Variants in SNTG1 observed in about 807,000 individuals in gnomAD.
SNTG1 encodes the protein syntrophin gamma 1.
Under a neutral mutation model 74.7 loss-of-function variants are expected in SNTG1, and 39 were observed. The observed-to-expected ratio is 0.52, with a 90% CI of 0.40 to 0.68. The LOEUF is 0.68. Among genes scored for constraint, SNTG1 ranks in the 30% least tolerant of loss-of-function variants. The pLI, the probability that SNTG1 is intolerant of heterozygous loss-of-function variation, is 0.00. For missense variants in SNTG1, 685 were observed against 609.5 expected, an observed-to-expected ratio of 1.12 and a Z score of -1.30; for synonymous variants, 254 against 217.1, an observed-to-expected ratio of 1.17 and a Z score of -1.49.
intron 4 of SNTG1, among the ~76,000 whole-genome samples, chr8:50,418,258 T>C (rs2093038235): frequency 6.6e-6 from 1 of 152,068 alleles, no homozygotes; most frequent in South Asian, 2.1e-4. Flanking sequence ...TTGCTCAATT[T>C]AATGGATATT....
At chr8:50,101,582 A>G (rs2080125876) in intron 1 of SNTG1, among the ~76,000 whole-genome samples, 1 of 151,764 alleles carries the variant, frequency 6.6e-6, no homozygotes, top group Non-Finnish European at 1.5e-5. Context: ...TTATACTTTA[A>G]GTTTTAGGGT....
At chr8:50,102,415 T>C (rs1393085319) in intron 1 of SNTG1, among the ~76,000 whole-genome samples, 2 of 150,438 alleles carry the variant, frequency 1.3e-5, no homozygotes, top group Non-Finnish European at 3.0e-5. Flanking sequence ...TGTTTGTTTT[T>C]TTCTTGTAAA....
At chr8:49,935,006 C>A (rs551482632) in intron 1 of SNTG1, among the ~76,000 whole-genome samples, 3 of 151,934 alleles carry the variant, frequency 2.0e-5, no homozygotes, top group Non-Finnish European at 4.4e-5. Context: ...AATGCCAATG[C>A]TGATTTAGCA....
At chr8:50,677,889 C>T (rs774730104) in intron 15 of SNTG1, among the ~76,000 whole-genome samples, 1 of 151,778 alleles carries the variant, frequency 6.6e-6, no homozygotes, top group Non-Finnish European at 1.5e-5. Context: ...TTTTAACTGT[C>T]ATGCATTATT....
At chr8:50,689,369 A>G (rs974888103) in intron 15 of SNTG1, among the ~76,000 whole-genome samples, 5 of 152,048 alleles carry the variant, frequency 3.3e-5, no homozygotes, top group African/African-American at 1.2e-4. Flanking sequence ...CCCATTCAGT[A>G]TATTGGCTGT....
At chr8:50,111,062 G>A (rs2080566362) in intron 1 of SNTG1, among the ~76,000 whole-genome samples, 1 of 152,124 alleles carries the variant, frequency 6.6e-6, no homozygotes, top group Non-Finnish European at 1.5e-5. Flanking sequence ...GATTTTCTGA[G>A]GAGGAATTCA....
rs2081075506 is a variant in SNTG1, at chr8:50,124,221, G to A, written c.-102-48340G>A. On this transcript the variant is annotated intron_variant, in intron 1 of 18. Coordinates refer to ENST00000642720, the MANE Select transcript of SNTG1 (RefSeq NM_018967.5). Reference sequence around the variant, plus strand: ...ACAGAGAAGACCATGTGAAGACACAGGGAGAAAATGGCCATTTGCAAGCCC... The same window carrying A: ...ACAGAGAAGACCATGTGAAGACACAAGGAGAAAATGGCCATTTGCAAGCCC... Among the ~76,000 whole-genome samples the A allele has an allele frequency of 2.8e-5, 4 of 141,634 alleles. 1 individual carries two copies. The highest frequency in any genetic ancestry group is 4.1e-4 in the East Asian group (2 of 4,902). 92.9% of individuals were successfully genotyped at this position (141,634 alleles called of 152,430 possible). A position where few individuals can be genotyped will look rare whatever the true frequency, so the allele number is the denominator to read the frequency against.
chr8:50,309,931 G>A (rs914283792), intron 2 of SNTG1, among the ~76,000 whole-genome samples: 3 of 152,172 alleles, frequency 2.0e-5, no homozygotes, highest in Non-Finnish European at 4.4e-5. Context: ...GGAAAACATT[G>A]TGTTTTAACT....
At chr8:50,232,701 A>G (rs2085690509) in intron 2 of SNTG1, among the ~76,000 whole-genome samples, 1 of 151,484 alleles carries the variant, frequency 6.6e-6, no homozygotes, top group South Asian at 2.1e-4. Context: ...TATAAAAACT[A>G]ACTTCCTAGA....
intron 1 of SNTG1, among the ~76,000 whole-genome samples, chr8:50,076,839 G>A (rs1821939904): frequency 6.6e-6 from 1 of 152,070 alleles, no homozygotes; most frequent in African/African-American, 2.4e-5. Flanking sequence ...TGGTAACTCA[G>A]GAGATATCCA....
chr8:50,748,097 A>C (rs2095559287), intron 17 of SNTG1, among the ~76,000 whole-genome samples: 1 of 152,066 alleles, frequency 6.6e-6, no homozygotes. Flanking sequence ...ATTAAAATAC[A>C]TATGTACAAA....
At chr8:50,101,174 T>A (rs547528413) in intron 1 of SNTG1, among the ~76,000 whole-genome samples, 15 of 152,210 alleles carry the variant, frequency 9.9e-5, no homozygotes, top group African/African-American at 2.9e-4. Context: ...CCTTACGCAA[T>A]CCATCATTGG....
chr8:50,764,656 C>A (rs1327448495), intron 18 of SNTG1, among the ~76,000 whole-genome samples: 1 of 151,778 alleles, frequency 6.6e-6, no homozygotes, highest in Non-Finnish European at 1.5e-5. Flanking sequence ...AAAAGGGAAC[C>A]CCTGTATGCT....
At chr8:50,395,670 A>G (rs2092719646) in intron 3 of SNTG1, among the ~76,000 whole-genome samples, 1 of 151,728 alleles carries the variant, frequency 6.6e-6, no homozygotes, top group Admixed American at 6.6e-5. Flanking sequence ...CGCCAGGCTA[A>G]TTTTTTTATT....
intron 2 of SNTG1, among the ~76,000 whole-genome samples, chr8:50,337,859 G>C (rs192643537): frequency 1.0e-3 from 152 of 152,260 alleles, no homozygotes; most frequent in South Asian, 3.5e-3. Flanking sequence ...CTTTTAGGCC[G>C]GGCGCAGTGG....
chr8:50,045,461 A>G (rs1276612485), intron 1 of SNTG1, among the ~76,000 whole-genome samples: 1 of 152,114 alleles, frequency 6.6e-6, no homozygotes, highest in Non-Finnish European at 1.5e-5. Flanking sequence ...CTAAGCCATT[A>G]ATGACAATTT....
intron 2 of SNTG1, among the ~76,000 whole-genome samples, chr8:50,385,104 G>A (rs1398533917): frequency 1.3e-5 from 2 of 152,158 alleles, no homozygotes; most frequent in African/African-American, 2.4e-5. Flanking sequence ...GCTCTAAACA[G>A]CATCCCTGTC....
At chr8:50,254,738 C>T (rs1019242347) in intron 2 of SNTG1, among the ~76,000 whole-genome samples, 10 of 151,780 alleles carry the variant, frequency 6.6e-5, no homozygotes, top group South Asian at 4.1e-4. Context: ...CCCAGCTACT[C>T]AGGAGGCTGA....
At chr8:50,113,517 T>A (rs1323698853) in intron 1 of SNTG1, among the ~76,000 whole-genome samples, 1 of 152,228 alleles carries the variant, frequency 6.6e-6, no homozygotes, top group East Asian at 1.9e-4. Context: ...TATACAATCA[T>A]GTCATCTGCA....
Sources: allele counts gnomAD v4.1 joint callset (sites outside exome capture counted in the v4.1 genomes callset), GRCh38; gene constraint gnomAD v4.1.1; transcripts MANE v1.5; gene names NCBI Gene and HGNC (gene_info 2026-07-23, HGNC 2026-07-21).